CSMD1: variants seen among roughly 807,000 people sequenced by gnomAD.
CSMD1 encodes CUB and sushi domain-containing protein 1.
In CSMD1, 213 loss-of-function variants were observed where a neutral mutation model predicts 417.5. The ratio of observed to expected loss-of-function variants is 0.51; its 90% CI spans 0.46 to 0.57. The LOEUF is 0.57. Among genes scored for constraint, CSMD1 ranks in the 20% least tolerant of loss-of-function variants. CSMD1 has a pLI of 0.00. For missense variants in CSMD1, 6,923 were observed against 4,529.7 expected (o/e 1.53, Z -15.17); for synonymous variants, 2,862 against 1,736.8 (o/e 1.65, Z -16.11).
At chr8:3,288,485 T>A (rs56912935) in intron 25 of CSMD1, among the ~76,000 whole-genome samples, 3,776 of 147,152 alleles carry the variant, frequency 0.026, 733 homozygotes, top group African/African-American at 0.096. Flanking sequence ...GACCCTGTTA[T>A]TGGTCTATTC....
At chr8:3,303,798 T>C (rs1325757991) in intron 25 of CSMD1, among the ~76,000 whole-genome samples, 3 of 152,230 alleles carry the variant, frequency 2.0e-5, no homozygotes, top group African/African-American at 7.2e-5. Context: ...CAAATAACTT[T>C]CAATGGGGCT....
At chr8:4,166,475 G>C (rs372139458) in intron 3 of CSMD1, among the ~76,000 whole-genome samples, 24 of 152,128 alleles carry the variant, frequency 1.6e-4, no homozygotes, top group African/African-American at 5.8e-4. Flanking sequence ...TGAAGTTGGA[G>C]GCCATTACCC....
Position 4,370,282 on chromosome 8 carries a change from G to C in CSMD1, c.415+49671C>G, listed in dbSNP as rs184880781. ...CAATACAGGCTCCCAGTCTTTCCCA[G>C]TTTGTAAGGTTTGTGCTGAAATGTC... is the stretch of plus-strand genomic sequence containing the variant. On this transcript the variant is annotated intron_variant, in intron 3 of 69. Coordinates refer to ENST00000635120, the MANE Select transcript of CSMD1 (RefSeq NM_033225.6). 1.5e-3 allele frequency among the ~76,000 whole-genome samples: 234 copies of C among 152,278 alleles called. 1 individual carries two copies. The highest frequency in any genetic ancestry group is 5.4e-3 in the African/African-American group (225 of 41,560).
rs189377709 is a variant in CSMD1, at chr8:4,124,160, C to T, written c.416-92061G>A. Among the ~76,000 whole-genome samples, 1,060 of 152,096 alleles carry T rather than the reference C, an allele frequency of 7.0e-3. 11 individuals are homozygous for T. The highest frequency in any genetic ancestry group is 0.025 in the African/African-American group (1,018 of 41,500). On this transcript the variant is annotated intron_variant, in intron 3 of 69. Transcript: ENST00000635120. ...ATGAATGTTGTCCTAAAACAGTCTG[C>T]GGAGGCGCAGGGGAGGAAGTGGGGG...
At chr8:4,157,529 T>C (rs1796901665) in intron 3 of CSMD1, among the ~76,000 whole-genome samples, 1 of 152,166 alleles carries the variant, frequency 6.6e-6, no homozygotes. Flanking sequence ...AAAGCAGCTC[T>C]AGCTACCTCT....
At chr8:4,020,977 G>T (rs186071795) in intron 4 of CSMD1, among the ~76,000 whole-genome samples, 7 of 152,266 alleles carry the variant, frequency 4.6e-5, no homozygotes, top group Non-Finnish European at 1.5e-5. Context: ...CAGACCCATT[G>T]CCTTATCAGT....
At chr8:3,973,764 G>A (rs1289828449) in intron 5 of CSMD1, among the ~76,000 whole-genome samples, 2 of 152,286 alleles carry the variant, frequency 1.3e-5, no homozygotes, top group East Asian at 1.9e-4. Flanking sequence ...ACCAACCAGT[G>A]TTTCATTATT....
chr8:4,054,054 C>T (rs980832190), intron 3 of CSMD1, among the ~76,000 whole-genome samples: 4 of 152,130 alleles, frequency 2.6e-5, no homozygotes, highest in Non-Finnish European at 5.9e-5. Context: ...CACTGAGAGC[C>T]AAATGCTACT....
rs569044901 is a variant in CSMD1, at chr8:4,206,989, T to C, written c.416-174890A>G. Among the ~76,000 whole-genome samples, 87 of 152,292 alleles carry C rather than the reference T, an allele frequency of 5.7e-4. 1 individual carries two copies. The South Asian group carries it at 0.013, about 23-fold the overall frequency. On this transcript the variant is annotated intron_variant, in intron 3 of 69. Coordinates refer to ENST00000635120, the MANE Select transcript of CSMD1 (RefSeq NM_033225.6). The stretch of plus-strand genomic sequence containing the variant: ...AGATGTGGATAAAATTATAAATCTA[T>C]AAAAATGTTTTAGTAGATAAGATCA...
intron 1 of CSMD1, among the ~76,000 whole-genome samples, chr8:4,867,981 A>C (rs1392329559): frequency 2.0e-5 from 3 of 152,054 alleles, no homozygotes; most frequent in African/African-American, 7.3e-5. Context: ...ACGTTTGTAC[A>C]TCCTTTAAAT....
At chr8:3,614,801 A>G (rs1288855813) in intron 8 of CSMD1, among the ~76,000 whole-genome samples, 1 of 152,214 alleles carries the variant, frequency 6.6e-6, no homozygotes, top group Non-Finnish European at 1.5e-5. Flanking sequence ...TGCAAAGATA[A>G]GACACTCTCC....
At chr8:3,439,249 A>C (rs141675668) in intron 12 of CSMD1, among the ~76,000 whole-genome samples, 1 of 135,298 alleles carries the variant, frequency 7.4e-6, no homozygotes, top group Non-Finnish European at 1.6e-5. Flanking sequence ...GAGTGACTCA[A>C]CTTCTCTATT....
chr8:3,299,021 A>G (rs1242133867), intron 25 of CSMD1, among the ~76,000 whole-genome samples: 2 of 152,220 alleles, frequency 1.3e-5, no homozygotes, highest in African/African-American at 2.4e-5. Context: ...ATCTTGGAAA[A>G]TGTCTCATGA....
intron 6 of CSMD1, among the ~76,000 whole-genome samples, chr8:3,747,312 C>A (rs920486062): frequency 1.3e-5 from 2 of 152,102 alleles, no homozygotes; most frequent in African/African-American, 4.8e-5. Context: ...TTATGTGGCC[C>A]CATTTGCAAG....
intron 3 of CSMD1, among the ~76,000 whole-genome samples, chr8:4,215,149 C>T (rs1035447227): frequency 8.5e-5 from 13 of 152,142 alleles, no homozygotes; most frequent in Non-Finnish European, 1.5e-4. Flanking sequence ...GGAGAGGGGA[C>T]GCATCCCAAA....
intron 2 of CSMD1, among the ~76,000 whole-genome samples, chr8:4,465,607 G>T (rs1585122958): frequency 6.6e-6 from 1 of 152,126 alleles, no homozygotes; most frequent in Non-Finnish European, 1.5e-5. Context: ...CAGACGTTGA[G>T]GATTATTAAG....
At chr8:3,589,493 G>C (rs539270451) in intron 8 of CSMD1, among the ~76,000 whole-genome samples, 1 of 152,152 alleles carries the variant, frequency 6.6e-6, no homozygotes, top group Non-Finnish European at 1.5e-5. Flanking sequence ...AGTTGATCCT[G>C]GGGGAAATTA....
At chr8:3,193,115 T>A (rs2129051775) in intron 33 of CSMD1, among the ~76,000 whole-genome samples, 1 of 152,302 alleles carries the variant, frequency 6.6e-6, no homozygotes, top group East Asian at 1.9e-4. Flanking sequence ...CTTGTATATC[T>A]GGGAGCTATA....
chr8:4,558,916 A>T (rs991317549), intron 2 of CSMD1, among the ~76,000 whole-genome samples: 1 of 69,236 alleles, frequency 1.4e-5, no homozygotes, highest in East Asian at 5.0e-4. Context: ...AAAAATAGAG[A>T]TTTCAACTGA....
Sources: allele counts gnomAD v4.1 joint callset (sites outside exome capture counted in the v4.1 genomes callset), GRCh38; gene constraint gnomAD v4.1.1; transcripts MANE v1.5; gene names NCBI Gene and HGNC (gene_info 2026-07-23, HGNC 2026-07-21).